PHF14: variants seen among roughly 807,000 people sequenced by gnomAD.
The protein encoded by PHF14 is PHD finger protein 14.
A neutral mutation model predicts 117.9 loss-of-function variants in PHF14; 55 were observed. The ratio of observed to expected loss-of-function variants is 0.47; its 90% confidence interval spans 0.38 to 0.58. PHF14 has a LOEUF of 0.58. Ranked by LOEUF, PHF14 falls within the 20% of genes least tolerant of loss-of-function variation. The probability of loss-of-function intolerance (pLI) is 0.00; values close to 1 mark genes in which losing one functional copy is unlikely to be tolerated. For missense variants in PHF14, 978 were observed against 1,122.2 expected (o/e 0.87, Z 1.84); for synonymous variants, 409 against 368.6 (o/e 1.11, Z -1.26).
intron 17 of PHF14, among the ~76,000 whole-genome samples, chr7:11,139,392 G>A (rs1301111180): frequency 6.6e-6 from 1 of 152,060 alleles, no homozygotes; most frequent in Non-Finnish European, 1.5e-5. Flanking sequence ...AGTGTCATTT[G>A]CATTATATAA....
chr7:11,138,726 C>G (rs1788317224), intron 17 of PHF14, among the ~76,000 whole-genome samples: 1 of 152,158 alleles, frequency 6.6e-6, no homozygotes, highest in African/African-American at 2.4e-5. Context: ...GATAAGTGCT[C>G]AAAGTCTTAA....
intron 16 of PHF14, chr7:11,105,302 A>T: frequency 1.1e-6 from 1 of 943,340 alleles, no homozygotes; most frequent in Non-Finnish European, 1.3e-6. Context: ...TTAAAAATAG[A>T]CTGCTGACCA....
At chr7:11,114,448 T>C (rs780441718) in intron 17 of PHF14, among the ~76,000 whole-genome samples, 2 of 152,128 alleles carry the variant, frequency 1.3e-5, no homozygotes, top group African/African-American at 4.8e-5. Flanking sequence ...ATTACTTTTA[T>C]AGAAATTCCG....
chr7:11,114,072 A>G (rs560778425), intron 17 of PHF14, among the ~76,000 whole-genome samples: 2 of 152,298 alleles, frequency 1.3e-5, no homozygotes, highest in East Asian at 1.9e-4. Flanking sequence ...TAAAGGAGAA[A>G]TACTTATTGC....
intron 2 of PHF14, 26 bp from the exon 3 acceptor site, chr7:10,982,346 T>C: frequency 2.8e-6 from 4 of 1,409,428 alleles, no homozygotes; most frequent in Non-Finnish European, 3.8e-6. Flanking sequence ...ATATGTGTGG[T>C]TTTTTTTTTC....
Position 11,061,747 on chromosome 7 carries a change from A to T in PHF14, c.2482-44A>T, listed in dbSNP as rs909135958. 6 of 1,389,628 alleles carry T rather than the reference A, an allele frequency of 4.3e-6. No individual in the cohort carries two copies. In the African/African-American group the frequency reaches 8.8e-5, roughly 20 times the overall value. 86.1% of individuals were successfully genotyped at this position (1,389,628 alleles called of 1,614,324 possible). ...TTATTATTAATTAAACATTAGATAT[A>T]CTGTGGATTTTTGTTTTTTGTTTTT... On this transcript the variant is annotated intron_variant, in intron 14 of 17. Coordinates refer to ENST00000634607, the MANE Select transcript of PHF14 (RefSeq NM_001007157.2).
At chr7:10,977,326 A>G (rs1447561073) in intron 2 of PHF14, among the ~76,000 whole-genome samples, 2 of 152,166 alleles carry the variant, frequency 1.3e-5, no homozygotes, top group Non-Finnish European at 2.9e-5. Context: ...GGACTTCCTT[A>G]GAACTTAATA....
intron 7 of PHF14, among the ~76,000 whole-genome samples, chr7:11,029,508 T>C (rs1244605139): frequency 6.6e-6 from 1 of 152,166 alleles, no homozygotes; most frequent in African/African-American, 2.4e-5. Context: ...GTCAGTTATC[T>C]AGACATTAGT....
At chr7:11,005,755 T>A (rs1170367565) in intron 4 of PHF14, among the ~76,000 whole-genome samples, 1 of 151,988 alleles carries the variant, frequency 6.6e-6, no homozygotes, top group Non-Finnish European at 1.5e-5. Context: ...ATGTAATAAT[T>A]TCTGTGGGAT....
Position 11,007,158 on chromosome 7 carries a change from A to G in PHF14, c.1046-6589A>G, listed in dbSNP as rs139933910. Among the ~76,000 whole-genome samples, 912 of 151,768 alleles carry G rather than the reference A, an allele frequency of 6.0e-3. 9 individuals are homozygous for G. The highest frequency in any genetic ancestry group is 0.021 in the African/African-American group (868 of 41,376). On this transcript the variant is annotated intron_variant, in intron 4 of 17. Transcript: ENST00000634607. ...CAGTGAGCCGAGATCGCGCCATTGC[A>G]CTCCAGCCCGGGTAACAAGAGCGAA... is the stretch of plus-strand genomic sequence containing the variant.
intron 14 of PHF14, 112 bp from the exon 15 acceptor site, chr7:11,061,679 G>C (rs2301959): frequency 0.38 from 269,370 of 717,564 alleles, 53,692 homozygotes; most frequent in East Asian, 0.7. Flanking sequence ...AATTTTGCAA[G>C]TGCCTAACCT....
chr7:11,020,747 G>T (rs1334002936), intron 5 of PHF14, among the ~76,000 whole-genome samples: 3 of 151,886 alleles, frequency 2.0e-5, no homozygotes, highest in African/African-American at 7.3e-5. Flanking sequence ...TGCTAGACTT[G>T]TTATATTTGA....
chr7:11,115,183 T>C (rs546227975), intron 17 of PHF14, among the ~76,000 whole-genome samples: 2 of 152,158 alleles, frequency 1.3e-5, no homozygotes, highest in African/African-American at 4.8e-5. Context: ...TTTGCTCCTT[T>C]TTTCCACTAC....
At chr7:11,167,250 G>T (rs1789228756) in intron 17 of PHF14, among the ~76,000 whole-genome samples, 1 of 152,104 alleles carries the variant, frequency 6.6e-6, no homozygotes, top group Non-Finnish European at 1.5e-5. Flanking sequence ...TGTGATAAAG[G>T]CTCCATCTTT....
chr7:11,142,609 A>T (rs1244501008), intron 17 of PHF14, among the ~76,000 whole-genome samples: 1 of 152,086 alleles, frequency 6.6e-6, no homozygotes, highest in Non-Finnish European at 1.5e-5. Flanking sequence ...GTATTTTATT[A>T]AAAATGCTTG....
At chr7:10,998,834 C>G (rs1249754860) in intron 4 of PHF14, among the ~76,000 whole-genome samples, 3 of 152,260 alleles carry the variant, frequency 2.0e-5, no homozygotes, top group Middle Eastern at 3.4e-3. Context: ...CTATTTTTCT[C>G]TGCTTCATTA....
intron 16 of PHF14, among the ~76,000 whole-genome samples, chr7:11,076,881 T>TC (rs1785876760): frequency 6.6e-6 from 1 of 151,390 alleles, no homozygotes; most frequent in South Asian, 2.1e-4. Flanking sequence ...AAATATGGTT[T>TC]TTTTTTTTTT....
chr7:11,159,833 A>G (rs1788972353), intron 17 of PHF14, among the ~76,000 whole-genome samples: 2 of 152,224 alleles, frequency 1.3e-5, no homozygotes, highest in Non-Finnish European at 2.9e-5. Context: ...ACAATAGATG[A>G]AAAGATATTC....
At chr7:11,131,326 G>A (rs1788085385) in intron 17 of PHF14, among the ~76,000 whole-genome samples, 1 of 151,870 alleles carries the variant, frequency 6.6e-6, no homozygotes, top group African/African-American at 2.4e-5. Flanking sequence ...TGCCAGCATT[G>A]ATGCTGTCAG....
Sources: allele counts gnomAD v4.1 joint callset (sites outside exome capture counted in the v4.1 genomes callset), GRCh38; gene constraint gnomAD v4.1.1; transcripts MANE v1.5; gene names NCBI Gene and HGNC (gene_info 2026-07-23, HGNC 2026-07-21).